GLIS1: variants seen among roughly 807,000 people sequenced by gnomAD.
GLIS1 encodes the protein zinc finger protein GLIS1.
In GLIS1, 24 loss-of-function variants were observed where a neutral mutation model predicts 63.8. The observed-to-expected ratio is 0.38, with a 90% CI of 0.27 to 0.53. GLIS1 has a LOEUF of 0.53. Ranked by LOEUF, GLIS1 falls within the 20% of genes least tolerant of loss-of-function variation. The probability of loss-of-function intolerance (pLI) is 0.85; values close to 1 mark genes in which losing one functional copy is unlikely to be tolerated. For missense variants in GLIS1, 1,036 were observed against 1,074.1 expected (o/e 0.96, Z 0.50); for synonymous variants, 450 against 482.5 (o/e 0.93, Z 0.88).
At chr1:53,525,792 C>G (rs1256025226) in intron 5 of GLIS1, among the ~76,000 whole-genome samples, 1 of 152,072 alleles carries the variant, frequency 6.6e-6, no homozygotes, top group Non-Finnish European at 1.5e-5. Context: ...CTCAGCTCTC[C>G]CGCAGCCACG....
At chr1:53,572,865 A>G (rs189286529) in intron 4 of GLIS1, among the ~76,000 whole-genome samples, 2 of 152,286 alleles carry the variant, frequency 1.3e-5, no homozygotes, top group South Asian at 2.1e-4. Context: ...GAAGGCTCCA[A>G]TCCTAGCTGC....
intron 7 of GLIS1, among the ~76,000 whole-genome samples, chr1:53,518,248 A>G (rs569898942): frequency 6.6e-6 from 1 of 152,274 alleles, no homozygotes; most frequent in East Asian, 1.9e-4. Flanking sequence ...ATAGCAGAGG[A>G]GCAGCACTAG....
intron 4 of GLIS1, among the ~76,000 whole-genome samples, chr1:53,579,112 T>C (rs969502359): frequency 1.6e-4 from 24 of 151,548 alleles, no homozygotes; most frequent in Admixed American, 2.6e-4. Flanking sequence ...ATACATAATA[T>C]GTTTTTCTTT....
intron 2 of GLIS1, among the ~76,000 whole-genome samples, chr1:53,656,755 G>A (rs1016101522): frequency 2.0e-5 from 3 of 152,230 alleles, no homozygotes; most frequent in African/African-American, 7.2e-5. Flanking sequence ...TGTGTTGTGA[G>A]GCTGATAAAG....
At chr1:53,667,096 G>C (rs573433706) in intron 2 of GLIS1, among the ~76,000 whole-genome samples, 1 of 152,194 alleles carries the variant, frequency 6.6e-6, no homozygotes, top group Non-Finnish European at 1.5e-5. Context: ...ATGTATACTT[G>C]CAGGGCTGTA....
In GLIS1 at chr1:53,519,632, C is replaced by T. The variant is rs563047137; in HGVS notation, c.1726+1002G>A. Among the ~76,000 whole-genome samples, 8 of 152,264 alleles carry T rather than the reference C, an allele frequency of 5.3e-5. No individual in the cohort carries two copies. In the East Asian group the frequency reaches 1.4e-3, roughly 26 times the overall value. On this transcript the variant is annotated intron_variant, in intron 7 of 10. Transcript: ENST00000628545. Reference sequence around the variant, plus strand: ...GCCACAAAGCCAGGAATTCCTGCTGCGGCCTGAGACCTGCCCCGTGGCCCA... The same window carrying T: ...GCCACAAAGCCAGGAATTCCTGCTGTGGCCTGAGACCTGCCCCGTGGCCCA...
rs1218711785 is a variant in GLIS1 at position 53,636,430 on chromosome 1, AC to A, written c.260-36153del. ...GATTTTAAAATAAAAACATTAACCA[AC>A]CCCGAAAAGAAAAAAAAAAGCTTCC... On this transcript the variant is annotated intron_variant, in intron 2 of 10. Coordinates refer to ENST00000628545, the MANE Select transcript of GLIS1 (RefSeq NM_001367484.1). Among the ~76,000 whole-genome samples, 16 of 152,024 alleles carry A rather than the reference AC, an allele frequency of 1.1e-4. No homozygotes were observed. The East Asian group carries it at 3.1e-3, about 29-fold the overall frequency.
intron 2 of GLIS1, among the ~76,000 whole-genome samples, chr1:53,716,714 G>A (rs1162122108): frequency 1.3e-5 from 2 of 152,070 alleles, no homozygotes; most frequent in Non-Finnish European, 2.9e-5. Flanking sequence ...AAAAGACAAA[G>A]AGCTAGGTAT....
chr1:53,595,063 C>CAGGGAAGCTGAGGATCAAGGGAT, intron 3 of GLIS1, 73 bp from the exon 4 acceptor site: 1 of 1,317,424 alleles, frequency 7.6e-7, no homozygotes, highest in Non-Finnish European at 9.8e-7. Flanking sequence ...TGGGGGCAGA[C>CAGGGAAGCTGAGGATCAAGGGAT]AGGGAAGCTG....
At chr1:53,719,855 C>G (rs1283310479) in intron 2 of GLIS1, among the ~76,000 whole-genome samples, 2 of 152,122 alleles carry the variant, frequency 1.3e-5, no homozygotes, top group Admixed American at 6.5e-5. Context: ...GTGCATACAT[C>G]TAAAAGAAAG....
chr1:53,700,500 C>T (rs1011918424), intron 2 of GLIS1, among the ~76,000 whole-genome samples: 8 of 151,546 alleles, frequency 5.3e-5, no homozygotes, highest in Non-Finnish European at 1.2e-4. Context: ...GGCCTCTGCT[C>T]GTGTAAATGC....
chr1:53,523,095 G>A (rs1010478541), intron 6 of GLIS1, among the ~76,000 whole-genome samples: 1 of 150,590 alleles, frequency 6.6e-6, no homozygotes, highest in African/African-American at 2.5e-5. Context: ...CCGAGTAGCT[G>A]GCGAGCTAGG....
intron 4 of GLIS1, among the ~76,000 whole-genome samples, chr1:53,591,147 A>G (rs1468379359): frequency 6.6e-6 from 1 of 152,212 alleles, no homozygotes; most frequent in Non-Finnish European, 1.5e-5. Context: ...TCCTTTGTCT[A>G]TTACAGTGCA....
chr1:53,546,454 C>T (rs997658588), intron 4 of GLIS1, among the ~76,000 whole-genome samples: 71 of 152,244 alleles, frequency 4.7e-4, no homozygotes, highest in African/African-American at 1.5e-3. Flanking sequence ...AGACCAGGTT[C>T]AAGTCCCAGC....
chr1:53,544,110 C>T (rs1213217029), intron 4 of GLIS1, among the ~76,000 whole-genome samples: 1 of 152,168 alleles, frequency 6.6e-6, no homozygotes, highest in Non-Finnish European at 1.5e-5. Context: ...AGCATTATGT[C>T]AGGAATAATA....
chr1:53,594,139 A>G lies in GLIS1; in HGVS notation c.1289T>C (p.Val430Ala), dbSNP rs1450394655. The G allele has an allele frequency of 6.2e-7, 1 of 1,613,016 alleles. No individual in the cohort carries two copies. Residue 430 changes from valine (V) to alanine (A), a missense_variant, in exon 4 of 11, where the codon GTG (valine) becomes GCG (alanine). Coordinates refer to ENST00000628545, the MANE Select transcript of GLIS1 (RefSeq NM_001367484.1). ...CTTGTTGGGCTTCTCGCCCGAGTGC[A>G]CTCGCATGTGGATGAGCAGCTTGTA... ...ARYKLLIHMRVHSGEKPNKCM... is the reference protein window; with the variant it reads ...ARYKLLIHMRAHSGEKPNKCM...
chr1:53,632,061 G>A (rs1645658303), intron 2 of GLIS1, among the ~76,000 whole-genome samples: 2 of 151,734 alleles, frequency 1.3e-5, no homozygotes, highest in Non-Finnish European at 2.9e-5. Context: ...GAATGAGTGT[G>A]CGGGATGTGT....
chr1:53,565,416 T>C (rs1430398289), intron 4 of GLIS1, among the ~76,000 whole-genome samples: 1 of 151,680 alleles, frequency 6.6e-6, no homozygotes, highest in Non-Finnish European at 1.5e-5. Context: ...GAAACGAAGA[T>C]AAAATAGAAC....
chr1:53,618,162 G>C (rs1328742048), intron 2 of GLIS1, among the ~76,000 whole-genome samples: 1 of 152,246 alleles, frequency 6.6e-6, no homozygotes, highest in Non-Finnish European at 1.5e-5. Flanking sequence ...TCAGCAGAGA[G>C]GGTTTGAGAA....
Sources: allele counts gnomAD v4.1 joint callset (sites outside exome capture counted in the v4.1 genomes callset), GRCh38; gene constraint gnomAD v4.1.1; transcripts MANE v1.5; gene names NCBI Gene and HGNC (gene_info 2026-07-23, HGNC 2026-07-21).